The following MYO5A variants were observed in gnomAD, a reference collection of about 807,000 sequenced individuals.
The protein encoded by MYO5A is unconventional myosin-Va.
In MYO5A, 98 loss-of-function variants were observed where a neutral mutation model predicts 249.7. That is an observed-to-expected ratio of 0.39 (90% CI 0.33 to 0.46). The LOEUF (loss-of-function observed/expected upper bound fraction) is 0.46. MYO5A is among the 20% of genes least tolerant of loss of function. The pLI, the probability that MYO5A is intolerant of heterozygous loss-of-function variation, is 0.98. For missense variants in MYO5A, 1,696 were observed against 2,308.8 expected, an observed-to-expected ratio of 0.73 and a Z score of 5.44; for synonymous variants, 778 against 810.6, an observed-to-expected ratio of 0.96 and a Z score of 0.68.
In MYO5A at chr15:52,431,231, C is replaced by CAAAAA. The variant is rs1333488857; in HGVS notation, c.138+1939_138+1943dup. Among the ~76,000 whole-genome samples, 5 of 45,850 alleles carry CAAAAA rather than the reference C, an allele frequency of 1.1e-4. 1 individual carries two copies. Among genetic ancestry groups the CAAAAA allele is most frequent in the East Asian group, 7.9e-4 (1 of 1,272 alleles). The allele number at this position is 45,850 out of a possible 152,430, so 30.1% of individuals were successfully genotyped here. ...TGGGTGACAGAGCAAAATTCCGTCT[C>CAAAAA]AAAAAAAAAAAAAAAGTCTAGTGCA... On this transcript the variant is annotated intron_variant, in intron 2 of 41. Coordinates refer to ENST00000399233, the MANE Select transcript of MYO5A (RefSeq NM_001382347.1).
chr15:52,348,513 A>G (rs891304822), intron 29 of MYO5A, among the ~76,000 whole-genome samples: 1 of 152,174 alleles, frequency 6.6e-6, no homozygotes, highest in African/African-American at 2.4e-5. Context: ...GTGTACTCCA[A>G]GTTAAGGGCT....
intron 31 of MYO5A, among the ~76,000 whole-genome samples, chr15:52,342,821 C>A (rs1022751800): frequency 6.6e-6 from 1 of 151,830 alleles, no homozygotes; most frequent in Admixed American, 6.6e-5. Context: ...GAGGCTGAGG[C>A]AGGACAATTG....
intron 2 of MYO5A, among the ~76,000 whole-genome samples, chr15:52,429,747 G>C (rs1189692876): frequency 6.6e-6 from 1 of 152,008 alleles, no homozygotes; most frequent in African/African-American, 2.4e-5. Flanking sequence ...AGGGTTCCTG[G>C]TCCCAAAAGT....
intron 1 of MYO5A, among the ~76,000 whole-genome samples, chr15:52,456,195 A>C (rs1176625169): frequency 6.6e-6 from 1 of 152,156 alleles, no homozygotes; most frequent in Non-Finnish European, 1.5e-5. Context: ...GAAATCAAGA[A>C]ATTAACCCCA....
In MYO5A at chr15:52,431,005, G is replaced by A. The variant is rs1042214080; in HGVS notation, c.138+2170C>T. ...CCAGCACTTTGGGAGGCCGAGGTGGGTGGATCACTTGAGGTTGGGAGTTTG... is the reference window on the plus strand; with the variant it reads ...CCAGCACTTTGGGAGGCCGAGGTGGATGGATCACTTGAGGTTGGGAGTTTG... On this transcript the variant is annotated intron_variant, in intron 2 of 41. Coordinates refer to ENST00000399233, the MANE Select transcript of MYO5A (RefSeq NM_001382347.1). 9.3e-5 allele frequency among the ~76,000 whole-genome samples: 14 copies of A among 149,910 alleles called. No individual in the cohort carries two copies. In the Middle Eastern group the frequency reaches 0.014, roughly 152 times the overall value.
chr15:52,513,724 C>T (rs1286611802), intron 1 of MYO5A, among the ~76,000 whole-genome samples: 1 of 152,084 alleles, frequency 6.6e-6, no homozygotes, highest in African/African-American at 2.4e-5. Context: ...AGCCACTGCG[C>T]CCGGCCAAGA....
rs528617994 is a variant in MYO5A at position 52,505,970 on chromosome 15, T to C, written c.27+22810A>G. The C allele has an allele frequency of 6.9e-6, 7 of 1,007,236 alleles. No homozygotes were observed. The South Asian group carries it at 1.2e-4, about 17-fold the overall frequency. The allele number at this position is 1,007,236 out of a possible 1,614,324, so 62.4% of individuals were successfully genotyped here. On this transcript the variant is annotated intron_variant, in intron 1 of 41. Coordinates refer to ENST00000399233, the MANE Select transcript of MYO5A (RefSeq NM_001382347.1). ...GGCTCATACCTGTAATCCCATCACT[T>C]TGGGAGGCTGAGGAGGGCAGATATC...
At chr15:52,315,547 G>C (rs928860303) in intron 40 of MYO5A, among the ~76,000 whole-genome samples, 2 of 151,892 alleles carry the variant, frequency 1.3e-5, no homozygotes, top group Non-Finnish European at 2.9e-5. Flanking sequence ...GCTAATTTTT[G>C]TATTTTTGTA....
Position 52,337,677 on chromosome 15 carries a change from G to T in MYO5A, c.4314+133C>A, listed in dbSNP as rs986175119. 7.2e-5 allele frequency: 43 copies of T among 598,598 alleles called. No homozygotes were observed. The African/African-American group carries it at 8.0e-4, about 11-fold the overall frequency. The allele number at this position is 598,598 out of a possible 1,614,324, so 37.1% of individuals were successfully genotyped here. Reference sequence around the variant, plus strand: ...TGACACCACTGGCTAAAAGACAGCTGTGGGGAGAAACAGGTTTCGTGAAAA... The same window carrying T: ...TGACACCACTGGCTAAAAGACAGCTTTGGGGAGAAACAGGTTTCGTGAAAA... On this transcript the variant is annotated intron_variant, in intron 33 of 41. Transcript: ENST00000399233.
In MYO5A at chr15:52,327,849, G is replaced by A. The variant is rs759539598; in HGVS notation, c.4710+3C>T. 10 of 1,612,436 alleles carry A rather than the reference G, an allele frequency of 6.2e-6. No individual in the cohort carries two copies. The highest frequency in any genetic ancestry group is 8.5e-6 in the Non-Finnish European group (10 of 1,178,756). On this transcript the variant is annotated splice_donor_region_variant and intron_variant, in intron 36 of 41. Transcript: ENST00000399233. ...ATGAGAATTTTGTTGAACAGGAACT[G>A]ACCTTCAATACTTTTTTGATGCTGT... is the stretch of plus-strand genomic sequence containing the variant.
intron 23 of MYO5A, among the ~76,000 whole-genome samples, chr15:52,366,576 T>C (rs1596350928): frequency 1.3e-5 from 2 of 150,572 alleles, no homozygotes; most frequent in African/African-American, 4.9e-5. Context: ...AAATTAGTGT[T>C]TTTTTAGACT....
chr15:52,393,961 T>C (rs1050326464), intron 11 of MYO5A, among the ~76,000 whole-genome samples: 5 of 152,240 alleles, frequency 3.3e-5, no homozygotes, highest in South Asian at 2.1e-4. Flanking sequence ...AGACATTAAA[T>C]AGAGCATATT....
intron 8 of MYO5A, among the ~76,000 whole-genome samples, chr15:52,405,998 G>C (rs1193370883): frequency 2.0e-5 from 3 of 152,204 alleles, no homozygotes; most frequent in African/African-American, 4.8e-5. Context: ...GTTTAGGCTG[G>C]TGCTATATCC....
chr15:52,507,429 T>C (rs1303817015), intron 1 of MYO5A, among the ~76,000 whole-genome samples: 4 of 152,144 alleles, frequency 2.6e-5, no homozygotes, highest in African/African-American at 9.7e-5. Context: ...CAGATTACAA[T>C]CGAAAGAGTA....
intron 35 of MYO5A, 47 bp downstream of exon 35, chr15:52,330,306 A>T (rs2038830211): frequency 6.2e-7 from 1 of 1,613,102 alleles, no homozygotes; most frequent in African/African-American, 1.3e-5. Flanking sequence ...TCCCACCATT[A>T]ACCCATGTGC....
chr15:52,527,348 A>G (rs532098300), intron 1 of MYO5A, among the ~76,000 whole-genome samples: 223 of 152,358 alleles, frequency 1.5e-3, no homozygotes, highest in African/African-American at 5.2e-3. Context: ...GTTACTTTTA[A>G]TCAGTTTCCA....
At chr15:52,374,987 T>C (rs1020311451) in intron 20 of MYO5A, among the ~76,000 whole-genome samples, 2 of 152,142 alleles carry the variant, frequency 1.3e-5, no homozygotes, top group African/African-American at 2.4e-5. Flanking sequence ...TTAAAATGCA[T>C]TTCAGGCTGG....
At chr15:52,411,763 C>G (rs930699292) in intron 5 of MYO5A, among the ~76,000 whole-genome samples, 1 of 152,108 alleles carries the variant, frequency 6.6e-6, no homozygotes, top group African/African-American at 2.4e-5. Context: ...CCATACAAGT[C>G]AACACATTAG....
chr15:52,382,094 G>C (rs1297681200), intron 16 of MYO5A, among the ~76,000 whole-genome samples: 1 of 151,978 alleles, frequency 6.6e-6, no homozygotes, highest in Non-Finnish European at 1.5e-5. Context: ...GTAGAGACAG[G>C]GTTTGACCAT....
Sources: gnomAD v4.1 joint callset for allele counts (sites outside exome capture counted in the v4.1 genomes callset) on GRCh38, gnomAD v4.1.1 for gene constraint, MANE v1.5 for transcripts, NCBI Gene and HGNC (gene_info 2026-07-23, HGNC 2026-07-21) for gene names.